The following WIPF3 variants were observed in gnomAD, a reference collection of about 807,000 sequenced individuals.
WIPF3 encodes the protein WAS/WASL interacting protein family member 3.
WIPF3 carries 33 observed loss-of-function variants against 38.9 expected under a neutral mutation model. The observed-to-expected ratio is 0.85, with a 90% confidence interval of 0.64 to 1.14. The LOEUF (loss-of-function observed/expected upper bound fraction) is 1.14, where lower values mean the gene tolerates loss of function less well. WIPF3 is among the 50% of genes most tolerant of loss of function. The pLI, the probability that WIPF3 is intolerant of heterozygous loss-of-function variation, is 0.00. For synonymous variants in WIPF3, 324 were observed against 269.3 expected (o/e 1.20, Z -1.99); for missense variants, 711 against 652.5 (o/e 1.09, Z -0.98).
At chr7:29,881,510 A>C (rs758188614) in intron 4 of WIPF3, among the ~76,000 whole-genome samples, 4 of 152,208 alleles carry the variant, frequency 2.6e-5, no homozygotes, top group Non-Finnish European at 5.9e-5. Flanking sequence ...AAGAAAACAT[A>C]TGACCTTTTA....
intron 7 of WIPF3, among the ~76,000 whole-genome samples, chr7:29,904,007 T>C (rs748794520): frequency 1.9e-4 from 29 of 152,182 alleles, no homozygotes; most frequent in Non-Finnish European, 3.7e-4. Context: ...GGATAATGGA[T>C]GAGCATCCCT....
intron 2 of WIPF3, among the ~76,000 whole-genome samples, chr7:29,845,923 C>T (rs936062238): frequency 6.6e-6 from 1 of 152,162 alleles, no homozygotes; most frequent in Non-Finnish European, 1.5e-5. Context: ...TTCCATTTGC[C>T]GTGAGCCTAA....
intron 8 of WIPF3, among the ~76,000 whole-genome samples, 158 bp from the exon 9 acceptor site, chr7:29,914,335 A>G (rs552068163): frequency 6.6e-6 from 1 of 152,320 alleles, no homozygotes; most frequent in Non-Finnish European, 1.5e-5. Context: ...CCCCTTGGGT[A>G]AAAGTCAGCT....
Position 29,903,279 on chromosome 7 carries a change from G to T in WIPF3, c.1352-1007G>T, listed in dbSNP as rs542717080. 2.6e-5 allele frequency among the ~76,000 whole-genome samples: 4 copies of T among 152,116 alleles called. No individual in the cohort carries two copies. The South Asian group carries it at 8.3e-4, about 32-fold the overall frequency. On this transcript the variant is annotated intron_variant, in intron 7 of 8. Coordinates refer to ENST00000242140, the MANE Select transcript of WIPF3 (RefSeq NM_001080529.3). ...ACTGCATTCCAGCCTGGGAGACAGA[G>T]GGAGACCTTGTCTAAAAAATAAAAT...
chr7:29,846,660 C>G (rs1471291871), intron 2 of WIPF3, among the ~76,000 whole-genome samples: 1 of 152,214 alleles, frequency 6.6e-6, no homozygotes, highest in East Asian at 1.9e-4. Flanking sequence ...AAGATCACAC[C>G]ACATTGTACT....
rs137861235 is a variant in WIPF3 at position 29,851,606 on chromosome 7, G to T, written c.90+16792G>T. Among the ~76,000 whole-genome samples the T allele has an allele frequency of 2.9e-3, 448 of 152,328 alleles. 2 individuals carry two copies. The highest frequency in any genetic ancestry group is 9.2e-3 in the Admixed American group (141 of 15,302). ...CTGTTTGGCTTAGATAAAAGCAATT[G>T]TCAAGCAGTGGACCTGGAAGGCTCG... On this transcript the variant is annotated intron_variant, in intron 2 of 8. Transcript: ENST00000242140.
chr7:29,845,271 G>T (rs1185936086), intron 2 of WIPF3, among the ~76,000 whole-genome samples: 2 of 152,192 alleles, frequency 1.3e-5, no homozygotes, highest in Admixed American at 1.3e-4. Flanking sequence ...AGAAGGATAG[G>T]GTCTCTGCTG....
At position 29,884,293 on chromosome 7, in the gene WIPF3, C is replaced by A; in HGVS notation, c.799C>A (p.Leu267Ile). 7.4e-7 allele frequency: 1 copy of A among 1,345,898 alleles called. No homozygotes were observed. The highest frequency in any genetic ancestry group is 1.0e-6 in the Non-Finnish European group (1 of 990,312). 83.4% of individuals were successfully genotyped at this position (1,345,898 alleles called of 1,614,324 possible). The change falls in exon 5 of 9, where the codon CTC becomes ATC. Residue 267 changes from leucine to isoleucine, a missense_variant. Coordinates refer to ENST00000242140, the MANE Select transcript of WIPF3 (RefSeq NM_001080529.3). The stretch of plus-strand genomic sequence containing the variant: ...GCCCATCCCGCCCCCGCTCCCTCTG[C>A]TCCCACCTTGTGGGTATCCGGGGCT... ...LPPIPPPLPL[L>I]PPCGYPGLKA...
chr7:29,811,771 C>T (rs781601618), intron 1 of WIPF3, among the ~76,000 whole-genome samples: 7 of 152,122 alleles, frequency 4.6e-5, no homozygotes, highest in African/African-American at 1.7e-4. Context: ...ACTGCAGTTC[C>T]GGAGACATAA....
chr7:29,914,115 G>A (rs1162409543), intron 8 of WIPF3, among the ~76,000 whole-genome samples: 4 of 152,176 alleles, frequency 2.6e-5, no homozygotes, highest in African/African-American at 9.7e-5. Flanking sequence ...TGCATGGGGT[G>A]GGAGCCCTGG....
chr7:29,902,265 C>CTTTTTTTTTTTTTT (rs141174377), intron 7 of WIPF3, among the ~76,000 whole-genome samples: 1 of 116,392 alleles, frequency 8.6e-6, no homozygotes, highest in African/African-American at 3.0e-5. Flanking sequence ...TTTTCTTCTT[C>CTTTTTTTTTTTTTT]TTCTTCTTCT....
chr7:29,913,767 T>A (rs1215550152), intron 8 of WIPF3, among the ~76,000 whole-genome samples: 2 of 152,220 alleles, frequency 1.3e-5, no homozygotes, highest in African/African-American at 4.8e-5. Context: ...TCTTCCATAA[T>A]GCCTCACTGC....
At chr7:29,818,762 C>A (rs1197077399) in intron 1 of WIPF3, among the ~76,000 whole-genome samples, 1 of 152,006 alleles carries the variant, frequency 6.6e-6, no homozygotes, top group Non-Finnish European at 1.5e-5. Context: ...CAATAGTGGA[C>A]ATGCTTGTCT....
chr7:29,834,308 A>G (rs1784764718), intron 1 of WIPF3, among the ~76,000 whole-genome samples: 1 of 152,206 alleles, frequency 6.6e-6, no homozygotes, highest in Non-Finnish European at 1.5e-5. Flanking sequence ...ATAAAACTAA[A>G]AATTTAATGC....
At chr7:29,885,046 A>G (rs1407144241) in intron 5 of WIPF3, among the ~76,000 whole-genome samples, 1 of 151,882 alleles carries the variant, frequency 6.6e-6, no homozygotes. Context: ...CTCCTTTTAT[A>G]TTTGCCCGCG....
chr7:29,824,810 G>A (rs146345928), intron 1 of WIPF3, among the ~76,000 whole-genome samples: 2,605 of 152,220 alleles, frequency 0.017, 32 homozygotes, highest in Non-Finnish European at 0.026. Context: ...GCTGAGATGA[G>A]GGAGGCTCCT....
intron 2 of WIPF3, among the ~76,000 whole-genome samples, chr7:29,850,444 T>C (rs942485877): frequency 2.2e-4 from 34 of 152,070 alleles, no homozygotes; most frequent in Admixed American, 1.9e-3. Context: ...GAATTAGGAA[T>C]ATGAAGGAGA....
chr7:29,854,030 A>G (rs1179068000), intron 2 of WIPF3, among the ~76,000 whole-genome samples: 5 of 152,256 alleles, frequency 3.3e-5, no homozygotes, highest in African/African-American at 1.2e-4. Context: ...CCTTCACTGC[A>G]CGCTGGTAAA....
intron 1 of WIPF3, among the ~76,000 whole-genome samples, chr7:29,809,562 A>C (rs563315608): frequency 6.6e-6 from 1 of 152,380 alleles, no homozygotes; most frequent in South Asian, 2.1e-4. Flanking sequence ...CTTTTTATTT[A>C]GCCACTGTAC....
Sources: allele counts gnomAD v4.1 joint callset (sites outside exome capture counted in the v4.1 genomes callset), GRCh38; gene constraint gnomAD v4.1.1; transcripts MANE v1.5; gene names NCBI Gene and HGNC (gene_info 2026-07-23, HGNC 2026-07-21).